Variants in ACSL5 observed in about 807,000 individuals in gnomAD.
ACSL5 encodes the protein acyl-CoA synthetase long chain family member 5.
A neutral mutation model predicts 84.9 loss-of-function variants in ACSL5; 50 were observed. The observed-to-expected ratio is 0.59, with a 90% CI of 0.47 to 0.75. ACSL5 has a LOEUF of 0.75. Ranked by LOEUF, ACSL5 falls within the 30% of genes least tolerant of loss-of-function variation. The pLI is 0.00. For missense variants in ACSL5, 775 were observed against 830.4 expected, an observed-to-expected ratio of 0.93 and a Z score of 0.82; for synonymous variants, 280 against 300.7, an observed-to-expected ratio of 0.93 and a Z score of 0.71.
chr10:112,393,398 G>A lies in ACSL5; in HGVS notation c.-29-1520G>A, dbSNP rs116681466. Among the ~76,000 whole-genome samples the A allele has an allele frequency of 8.9e-3, 1,357 of 152,228 alleles. 13 individuals carry two copies. Among genetic ancestry groups the A allele is most frequent in the African/African-American group, 0.031 (1,273 of 41,536 alleles). ...CTCCAAAATCAGGTAATAACTAATCGAGAGGCAGAAAGATAGTAAGAGTGG... is the reference window on the plus strand; with the variant it reads ...CTCCAAAATCAGGTAATAACTAATCAAGAGGCAGAAAGATAGTAAGAGTGG... On this transcript the variant is annotated intron_variant, in intron 1 of 20. Transcript: ENST00000354655.
chr10:112,418,497 G>T (rs1382481136), intron 14 of ACSL5, among the ~76,000 whole-genome samples: 3 of 152,080 alleles, frequency 2.0e-5, no homozygotes, highest in Non-Finnish European at 4.4e-5. Context: ...CGGGAGAATG[G>T]CGTGAACCCG....
At chr10:112,426,737 C>T (rs775166924) in intron 19 of ACSL5, 51 bp from the exon 20 acceptor site, 2 of 1,549,084 alleles carry the variant, frequency 1.3e-6, no homozygotes, top group Admixed American at 3.3e-5. Flanking sequence ...ATGCTTAGCC[C>T]TTCAGGCTTT....
intron 3 of ACSL5, 60 bp downstream of exon 3, chr10:112,399,069 T>G (rs942640180): frequency 1.5e-5 from 21 of 1,383,902 alleles, no homozygotes; most frequent in Non-Finnish European, 2.2e-5. Flanking sequence ...GGCCCATCTC[T>G]CTTTCTCTGT....
intron 16 of ACSL5, 109 bp downstream of exon 16, chr10:112,422,144 A>G: frequency 7.6e-7 from 1 of 1,313,776 alleles, no homozygotes. Flanking sequence ...GATTGTTAGC[A>G]AAGAATTAAG....
rs558885707 is a variant in ACSL5, at chr10:112,392,051, A to G, written c.-29-2867A>G. Among the ~76,000 whole-genome samples the G allele has an allele frequency of 2.0e-5, 3 of 152,356 alleles. No individual in the cohort carries two copies. The South Asian group carries it at 6.2e-4, about 32-fold the overall frequency. On this transcript the variant is annotated intron_variant, in intron 1 of 20. Coordinates refer to ENST00000354655, the MANE Select transcript of ACSL5 (RefSeq NM_203379.2). ...TCTCCTATTAAAATATAAATGTGCC[A>G]TCTGGAAGAAGAGGGCAGAAATCCT...
intron 3 of ACSL5, among the ~76,000 whole-genome samples, chr10:112,400,382 A>ATT (rs11385029): frequency 3.0e-5 from 4 of 135,038 alleles, no homozygotes; most frequent in Admixed American, 7.8e-5. Flanking sequence ...CACCTGGCTA[A>ATT]TTTTTTTTTC....
In ACSL5 at chr10:112,408,587, C is replaced by CT. The variant is rs1844104490; in HGVS notation, c.532+72dup. 5.2e-6 allele frequency: 6 copies of CT among 1,160,500 alleles called. 1 individual carries two copies. Among genetic ancestry groups the CT allele is most frequent in the South Asian group, 3.8e-5 (3 of 78,726 alleles). The allele number at this position is 1,160,500 out of a possible 1,614,324, so 71.9% of individuals were successfully genotyped here. A position where few individuals can be genotyped will look rare whatever the true frequency, so the allele number is the denominator to read the frequency against. ...ATGCTGAGTATTTCTTCAATTTCTG[C>CT]TTTTTTGTTTATTTGTTTGTTTGTT... On this transcript the variant is annotated intron_variant, in intron 6 of 20. Transcript: ENST00000354655.
At chr10:112,426,025 T>C (rs549900738) in intron 18 of ACSL5, among the ~76,000 whole-genome samples, 19 of 152,270 alleles carry the variant, frequency 1.2e-4, no homozygotes, top group East Asian at 9.7e-4. Context: ...TTAAGCTTAA[T>C]GTTGAAGGAT....
At position 112,398,915 on chromosome 10, in the gene ACSL5, G is replaced by T; in HGVS notation, c.171G>T (p.Lys57Asn). ...TTGTGTCTTAGGGAGGAGCACGGAA[G>T]GGGGTTTCCCAGAAGAACAATGACC... ...QSVGIEGGARKGVSQKNNDLT... is the reference protein window; with the variant it reads ...QSVGIEGGARNGVSQKNNDLT... The change falls in exon 3 of 21, where the codon AAG becomes AAT. Residue 57 changes from lysine (K) to asparagine (N), a missense_variant. By Grantham distance (94) the Lys-to-Asn change is moderately conservative. Coordinates refer to ENST00000354655, the MANE Select transcript of ACSL5 (RefSeq NM_203379.2). 6.2e-7 allele frequency: 1 copy of T among 1,614,032 alleles called. No homozygotes were observed. Among genetic ancestry groups the T allele is most frequent in the Non-Finnish European group, 8.5e-7 (1 of 1,179,932 alleles).
At chr10:112,394,850 A>G (rs1843711352) in intron 1 of ACSL5, 68 bp from the exon 2 acceptor site, 8 of 1,567,538 alleles carry the variant, frequency 5.1e-6, no homozygotes, top group Non-Finnish European at 6.9e-6. Flanking sequence ...TTCTGAAAAC[A>G]TAGAGCTATT....
Position 112,415,667 on chromosome 10 carries a change from C to T in ACSL5, c.1084-1221C>T, listed in dbSNP as rs182468216. 8.3e-3 allele frequency among the ~76,000 whole-genome samples: 1,257 copies of T among 152,212 alleles called. 7 individuals are homozygous for T. Among genetic ancestry groups the T allele is most frequent in the Non-Finnish European group, 0.013 (916 of 68,018 alleles). ...TATAGGCATAAGAAGATGCTTATGT[C>T]CTAGAGCACAATTTACATTAGAAGA... is the stretch of plus-strand genomic sequence containing the variant. On this transcript the variant is annotated intron_variant, in intron 12 of 20. Coordinates refer to ENST00000354655, the MANE Select transcript of ACSL5 (RefSeq NM_203379.2).
At chr10:112,406,741 G>T (rs767097108) in intron 5 of ACSL5, 1 of 152,216 alleles carries the variant, frequency 6.6e-6, no homozygotes, top group African/African-American at 2.4e-5. Flanking sequence ...GAGGCCTCAA[G>T]AAACTTACAA....
intron 1 of ACSL5, among the ~76,000 whole-genome samples, chr10:112,393,058 G>T (rs1843676971): frequency 6.6e-6 from 1 of 152,060 alleles, no homozygotes; most frequent in African/African-American, 2.4e-5. Flanking sequence ...CAATTTCACA[G>T]TCTTCCCTGA....
At chr10:112,425,231 G>C in intron 17 of ACSL5, 107 bp from the exon 18 acceptor site, 1 of 1,041,166 alleles carries the variant, frequency 9.6e-7, no homozygotes, top group South Asian at 1.8e-5. Context: ...AAAAGTCTCT[G>C]GAGAAATCAG....
chr10:112,408,811 A>G, intron 6 of ACSL5: 1 of 271,456 alleles, frequency 3.7e-6, no homozygotes, highest in South Asian at 5.5e-5. Context: ...ACACTAGATA[A>G]AAGCCCAGAG....
chr10:112,376,295 CG>C, intron 1 of ACSL5: 3 of 1,614,084 alleles, frequency 1.9e-6, no homozygotes, highest in Non-Finnish European at 2.5e-6. Flanking sequence ...CACTCTGGGC[CG>C]GCCTTCTGCC....
intron 2 of ACSL5, 27 bp from the exon 3 acceptor site, chr10:112,398,874 T>G (rs1843809151): frequency 6.3e-7 from 1 of 1,592,296 alleles, no homozygotes; most frequent in Non-Finnish European, 8.6e-7. Flanking sequence ...GACTTGAACT[T>G]GGCCTAAACT....
Position 112,410,592 on chromosome 10 carries a change from C to G in ACSL5, c.753C>G (p.Ser251Arg), listed in dbSNP as rs770704506. Residue 251 changes from serine to arginine, a missense_variant, in exon 9 of 21, where the codon AGC (serine) becomes AGG (arginine). Physicochemically the swap from Ser to Arg is moderately radical, Grantham distance 110. Coordinates refer to ENST00000354655, the MANE Select transcript of ACSL5 (RefSeq NM_203379.2). ...TGTGCTTCCTCCTCCAGCCTCCTAG[C>G]CCAGAAGACCTGAGCGTCATCTGCT... ...KEHFRKPVPP[S>R]PEDLSVICFT... 6 of 1,614,070 alleles carry G rather than the reference C, an allele frequency of 3.7e-6. No homozygotes were observed. In the East Asian group the frequency reaches 1.3e-4, roughly 36 times the overall value.
At chr10:112,398,427 C>T (rs1027660722) in intron 2 of ACSL5, among the ~76,000 whole-genome samples, 7 of 150,510 alleles carry the variant, frequency 4.7e-5, no homozygotes, top group Non-Finnish European at 8.9e-5. Flanking sequence ...TTTTCTGAGA[C>T]GGAGTCTCAC....
Sources: allele counts gnomAD v4.1 joint callset (sites outside exome capture counted in the v4.1 genomes callset), GRCh38; gene constraint gnomAD v4.1.1; transcripts MANE v1.5; gene names NCBI Gene and HGNC (gene_info 2026-07-23, HGNC 2026-07-21).